BICDL1: variants seen among roughly 807,000 people sequenced by gnomAD.
BICDL1 encodes BICD family like cargo adaptor 1, also known as BICD family-like cargo adapter 1.
Under a neutral mutation model 76.8 loss-of-function variants are expected in BICDL1, and 20 were observed. The ratio of observed to expected loss-of-function variants is 0.26; its 90% CI spans 0.18 to 0.38. The LOEUF (loss-of-function observed/expected upper bound fraction) is 0.38, where lower values mean the gene tolerates loss of function less well. Ranked by LOEUF, BICDL1 falls within the 10% of genes least tolerant of loss-of-function variation. BICDL1 has a pLI of 1.00. For missense variants in BICDL1, 700 were observed against 798.6 expected (o/e 0.88, Z 1.49); for synonymous variants, 383 against 337.1 (o/e 1.14, Z -1.49).
chr12:120,002,654 ATCT>A (rs1224241453), intron 2 of BICDL1, among the ~76,000 whole-genome samples: 2 of 152,120 alleles, frequency 1.3e-5, no homozygotes, highest in Admixed American at 6.5e-5. Context: ...ATTTTTTTAG[ATCT>A]TCTTTAATTC....
At chr12:120,041,652 G>A (rs951358309) in intron 2 of BICDL1, among the ~76,000 whole-genome samples, 1 of 152,190 alleles carries the variant, frequency 6.6e-6, no homozygotes, top group Non-Finnish European at 1.5e-5. Context: ...GGTGAGCAGA[G>A]GAGGCCTCTC....
At chr12:120,077,292 T>C (rs1873625396) in intron 7 of BICDL1, among the ~76,000 whole-genome samples, 1 of 152,200 alleles carries the variant, frequency 6.6e-6, no homozygotes, top group South Asian at 2.1e-4. Flanking sequence ...CACCTGTTAT[T>C]GTGCTTAAGG....
intron 2 of BICDL1, among the ~76,000 whole-genome samples, chr12:120,040,943 C>T (rs943593315): frequency 1.3e-5 from 2 of 151,740 alleles, no homozygotes; most frequent in Non-Finnish European, 2.9e-5. Context: ...GGAGGGGTTT[C>T]GCCATGTTGG....
chr12:120,076,479 C>T (rs563254265), intron 7 of BICDL1, among the ~76,000 whole-genome samples: 59 of 152,120 alleles, frequency 3.9e-4, no homozygotes, highest in Middle Eastern at 3.4e-3. Context: ...ACAGTGGATG[C>T]GGGGGGCATT....
At chr12:120,088,596 ATCCT>A (rs1481944566) in intron 8 of BICDL1, among the ~76,000 whole-genome samples, 1 of 151,632 alleles carries the variant, frequency 6.6e-6, no homozygotes, top group African/African-American at 2.4e-5. Flanking sequence ...ACCTCAGGTG[ATCCT>A]TCCACCTTGG....
At chr12:120,083,740 A>T (rs987328290) in intron 8 of BICDL1, among the ~76,000 whole-genome samples, 6 of 151,364 alleles carry the variant, frequency 4.0e-5, no homozygotes, top group Middle Eastern at 6.3e-3. Context: ...TCTCACTGCA[A>T]CCCCCACCTC....
chr12:120,015,588 A>T (rs974253238), intron 2 of BICDL1, among the ~76,000 whole-genome samples: 1 of 152,194 alleles, frequency 6.6e-6, no homozygotes, highest in Non-Finnish European at 1.5e-5. Flanking sequence ...TGAGTCAAGG[A>T]CTGTGCACTC....
At chr12:119,991,798 C>T (rs184957941) in intron 1 of BICDL1, among the ~76,000 whole-genome samples, 1 of 152,304 alleles carries the variant, frequency 6.6e-6, no homozygotes, top group Admixed American at 6.5e-5. Context: ...TGTGCAATTA[C>T]ATACATTCTG....
In BICDL1 at chr12:120,064,887, G is replaced by A. The variant is rs1355194074; in HGVS notation, c.909+8G>A. 6.3e-7 allele frequency: 1 copy of A among 1,598,752 alleles called. No individual in the cohort carries two copies. Among genetic ancestry groups the A allele is most frequent in the Non-Finnish European group, 8.5e-7 (1 of 1,174,778 alleles). ...CATGACAAGGACCTACAGGTACTGG[G>A]GTAGAGAAGCTGTCCTGCAGGACTA... On this transcript the variant is annotated splice_region_variant and intron_variant, in intron 4 of 9. Transcript: ENST00000548673.
intron 9 of BICDL1, chr12:120,091,583 G>A: frequency 1.0e-6 from 1 of 984,974 alleles, no homozygotes; most frequent in Admixed American, 6.2e-5. Flanking sequence ...AAAGGGGATG[G>A]AAGAGAAGGG....
intron 2 of BICDL1, among the ~76,000 whole-genome samples, chr12:120,061,409 T>C (rs903313509): frequency 6.6e-6 from 1 of 152,150 alleles, no homozygotes; most frequent in Non-Finnish European, 1.5e-5. Flanking sequence ...ATTTGCTGAG[T>C]TTCTGCTATA....
rs921215763 is a variant in BICDL1, at chr12:120,079,367, C to G, written c.1453-1520C>G. On this transcript the variant is annotated intron_variant, in intron 7 of 9. Transcript: ENST00000548673. This position sits in a 1 kb window ranked among gnomAD's most constrained non-coding sequence, Gnocchi z 4.3. Reference sequence around the variant, plus strand: ...AGATCAAGGGAAGCTTGATCTTCAGCCTTACACCTGGGGCCTTTGCTCAGT... The same window carrying G: ...AGATCAAGGGAAGCTTGATCTTCAGGCTTACACCTGGGGCCTTTGCTCAGT... Among the ~76,000 whole-genome samples, 2 of 152,162 alleles carry G rather than the reference C, an allele frequency of 1.3e-5. No individual in the cohort carries two copies. Among genetic ancestry groups the G allele is most frequent in the African/African-American group, 2.4e-5 (1 of 41,426 alleles).
At chr12:120,051,758 G>A (rs540128750) in intron 2 of BICDL1, among the ~76,000 whole-genome samples, 1 of 152,250 alleles carries the variant, frequency 6.6e-6, no homozygotes, top group Non-Finnish European at 1.5e-5. Flanking sequence ...ATCAAAACCA[G>A]AAAATTAATA....
At chr12:120,030,893 A>G (rs4767871) in intron 2 of BICDL1, among the ~76,000 whole-genome samples, 20,194 of 152,200 alleles carry the variant, frequency 0.13, 1,673 homozygotes, top group East Asian at 0.4. Context: ...GCCTCAAGGC[A>G]TGGGTTTTGG....
chr12:119,989,925 C>T lies in BICDL1; in HGVS notation c.57C>T (p.Asp19=). 2.0e-6 allele frequency: 3 copies of T among 1,467,190 alleles called. No individual in the cohort carries two copies. Among genetic ancestry groups the T allele is most frequent in the Non-Finnish European group, 2.7e-6 (3 of 1,122,366 alleles). The allele number at this position is 1,467,190 out of a possible 1,614,324, so 90.9% of individuals were successfully genotyped here. A position where few individuals can be genotyped will look rare whatever the true frequency, so the allele number is the denominator to read the frequency against. ...VGRASAPAEP[D]SACCMELPAA... ...GCGCTTCAGCACCCGCCGAGCCGGA[C>T]AGCGCCTGCTGCATGGAGCTGCCCG... Residue 19 remains aspartate, a synonymous_variant, in exon 1 of 10, where the codon GAC becomes GAT. Transcript: ENST00000548673.
intron 2 of BICDL1, among the ~76,000 whole-genome samples, chr12:119,998,962 TG>T (rs1951706227): frequency 7.2e-6 from 1 of 139,326 alleles, no homozygotes; most frequent in South Asian, 2.3e-4. Flanking sequence ...GAGGCTGAGG[TG>T]GGGGGATCGC....
intron 2 of BICDL1, among the ~76,000 whole-genome samples, chr12:120,017,250 C>A (rs1952084843): frequency 6.6e-6 from 1 of 152,150 alleles, no homozygotes. Context: ...TTGAGTAATA[C>A]TTTTAAAAGG....
intron 4 of BICDL1, among the ~76,000 whole-genome samples, chr12:120,070,720 G>C (rs1873024445): frequency 6.6e-6 from 1 of 151,512 alleles, no homozygotes; most frequent in South Asian, 2.1e-4. Flanking sequence ...TAGTGCGATT[G>C]GTTGGTATAA....
At chr12:120,062,979 G>T (rs376809266) in intron 3 of BICDL1, among the ~76,000 whole-genome samples, 3 of 152,126 alleles carry the variant, frequency 2.0e-5, no homozygotes, top group Non-Finnish European at 4.4e-5. Context: ...GGTGTATAGC[G>T]CTGGGTGAGG....
Sources: allele counts gnomAD v4.1 joint callset (sites outside exome capture counted in the v4.1 genomes callset), GRCh38; gene constraint gnomAD v4.1.1; non-coding constraint Gnocchi (gnomAD v3.1); transcripts MANE v1.5; gene names NCBI Gene and HGNC (gene_info 2026-07-23, HGNC 2026-07-21).